KAZN: variants seen among roughly 807,000 people sequenced by gnomAD.
KAZN encodes the protein kazrin.
A neutral mutation model predicts 87.4 loss-of-function variants in KAZN; 40 were observed. The ratio of observed to expected loss-of-function variants is 0.46; its 90% CI spans 0.36 to 0.60. The LOEUF (loss-of-function observed/expected upper bound fraction) is 0.60. KAZN is among the 20% of genes least tolerant of loss of function. KAZN has a pLI of 0.00. For synonymous variants in KAZN, 466 were observed against 458.3 expected (o/e 1.02, Z -0.22); for missense variants, 898 against 1,073.9 (o/e 0.84, Z 2.29).
intron 1 of KAZN, among the ~76,000 whole-genome samples, chr1:13,909,071 C>T (rs536366988): frequency 6.6e-6 from 1 of 152,236 alleles, no homozygotes; most frequent in Non-Finnish European, 1.5e-5. Flanking sequence ...GCTTTCTTAT[C>T]CCTACAAGAG....
chr1:14,355,535 T>C (rs1188324505), intron 2 of KAZN, among the ~76,000 whole-genome samples: 1 of 152,098 alleles, frequency 6.6e-6, no homozygotes, highest in Non-Finnish European at 1.5e-5. Context: ...CATCAACCCG[T>C]CATTGATCTA....
chr1:14,724,622 A>G (rs1334866015), intron 1 of KAZN, among the ~76,000 whole-genome samples: 1 of 152,128 alleles, frequency 6.6e-6, no homozygotes, highest in Non-Finnish European at 1.5e-5. Flanking sequence ...CCACCAATTT[A>G]TTGCCTGAGC....
chr1:14,257,313 GGTT>G (rs1650598146), intron 2 of KAZN, among the ~76,000 whole-genome samples: 2 of 146,710 alleles, frequency 1.4e-5, no homozygotes, highest in South Asian at 4.5e-4. Context: ...TTTTTGATGG[GGTT>G]GTTTGTTTTT....
intron 1 of KAZN, among the ~76,000 whole-genome samples, chr1:13,935,002 C>T (rs558976868): frequency 2.0e-5 from 3 of 151,816 alleles, no homozygotes; most frequent in Admixed American, 1.3e-4. Flanking sequence ...CTTGAGAGGT[C>T]GAGGCAGGTG....
Position 14,842,621 on chromosome 1 carries a change from A to G in KAZN, c.227-118063A>G, listed in dbSNP as rs1648153842. On this transcript the variant is annotated intron_variant, in intron 1 of 14. Coordinates refer to ENST00000376030, the MANE Select transcript of KAZN (RefSeq NM_201628.3). The stretch of plus-strand genomic sequence containing the variant: ...TGACATCTGTTTACATTACATTGCC[A>G]TTACTCATTTCCATGTACAATGTTT... Among the ~76,000 whole-genome samples, 3 of 152,362 alleles carry G rather than the reference A, an allele frequency of 2.0e-5. No homozygotes were observed. The South Asian group carries it at 6.2e-4, about 32-fold the overall frequency.
At chr1:15,097,304 G>T (rs1640846227) in intron 10 of KAZN, among the ~76,000 whole-genome samples, 1 of 152,126 alleles carries the variant, frequency 6.6e-6, no homozygotes, top group Admixed American at 6.5e-5. Flanking sequence ...ATGGACTCGG[G>T]GGTAAGAACT....
chr1:14,827,822 A>G (rs1646941063), intron 1 of KAZN, among the ~76,000 whole-genome samples: 1 of 152,242 alleles, frequency 6.6e-6, no homozygotes, highest in Admixed American at 6.5e-5. Context: ...TCTCCACTCA[A>G]GGATCCCCTG....
intron 2 of KAZN, among the ~76,000 whole-genome samples, chr1:14,407,717 G>C (rs553366380): frequency 1.5e-3 from 231 of 151,290 alleles, no homozygotes; most frequent in African/African-American, 5.2e-3. Flanking sequence ...CATATAGTAA[G>C]TTCTTAACAA....
chr1:13,913,816 A>T (rs1308141706), intron 1 of KAZN, among the ~76,000 whole-genome samples: 1 of 152,232 alleles, frequency 6.6e-6, no homozygotes, highest in Non-Finnish European at 1.5e-5. Flanking sequence ...AATTCTGATT[A>T]CTGGGTCTCA....
chr1:14,759,158 A>C lies in KAZN; in HGVS notation c.226+159935A>C, dbSNP rs542486595. Reference sequence around the variant, plus strand: ...AAATAAAAATCCGTGGGGGAGGGGCACACACAGGGCAGCCACGGCAGGAGC... The same window carrying C: ...AAATAAAAATCCGTGGGGGAGGGGCCCACACAGGGCAGCCACGGCAGGAGC... On this transcript the variant is annotated intron_variant, in intron 1 of 14. Coordinates refer to ENST00000376030, the MANE Select transcript of KAZN (RefSeq NM_201628.3). Among the ~76,000 whole-genome samples, 26 of 152,306 alleles carry C rather than the reference A, an allele frequency of 1.7e-4. No individual in the cohort carries two copies. In the South Asian group the frequency reaches 4.4e-3, roughly 26 times the overall value.
At chr1:15,032,927 T>C (rs1287245747) in intron 2 of KAZN, among the ~76,000 whole-genome samples, 1 of 151,216 alleles carries the variant, frequency 6.6e-6, no homozygotes, top group Non-Finnish European at 1.5e-5. Context: ...CCAGCCTGGG[T>C]GACAGAGCAA....
chr1:14,203,861 G>A lies in KAZN; in HGVS notation c.249+23269G>A, dbSNP rs190334891. 1.8e-4 allele frequency among the ~76,000 whole-genome samples: 27 copies of A among 152,296 alleles called. No individual in the cohort carries two copies. The East Asian group carries it at 5.2e-3, about 29-fold the overall frequency. On this transcript the variant is annotated intron_variant, in intron 2 of 16. Coordinates refer to the KAZN transcript ENST00000636203. ...AGTGTCCCAAATGTTCATAGCAACAGGAGCAAACGTGGTTGCAGCTGCCAT... is the reference window on the plus strand; with the variant it reads ...AGTGTCCCAAATGTTCATAGCAACAAGAGCAAACGTGGTTGCAGCTGCCAT...
chr1:14,798,221 G>A (rs977112995), intron 1 of KAZN, among the ~76,000 whole-genome samples: 6 of 151,986 alleles, frequency 3.9e-5, no homozygotes, highest in South Asian at 2.1e-4. Flanking sequence ...GTAAAACCAC[G>A]GTGCTATCTT....
intron 2 of KAZN, among the ~76,000 whole-genome samples, chr1:14,587,186 A>G (rs1675903133): frequency 1.3e-5 from 2 of 152,194 alleles, no homozygotes; most frequent in Non-Finnish European, 2.9e-5. Flanking sequence ...CTGTAATCCC[A>G]GCACTTTGGA....
chr1:14,943,554 G>A (rs1661391252), intron 1 of KAZN, among the ~76,000 whole-genome samples: 1 of 152,218 alleles, frequency 6.6e-6, no homozygotes, highest in South Asian at 2.1e-4. Context: ...AATGTATGTA[G>A]TACTTGCCGT....
At chr1:14,899,725 C>T (rs1233066211) in intron 1 of KAZN, among the ~76,000 whole-genome samples, 3 of 152,288 alleles carry the variant, frequency 2.0e-5, no homozygotes, top group South Asian at 2.1e-4. Flanking sequence ...GTCCACCACT[C>T]CTCTCTCCTT....
At chr1:14,257,931 C>A (rs1650652423) in intron 2 of KAZN, among the ~76,000 whole-genome samples, 3 of 63,820 alleles carry the variant, frequency 4.7e-5, no homozygotes, top group African/African-American at 6.9e-5. Flanking sequence ...TACCCTAAAA[C>A]TTAGAGTATA....
chr1:14,195,452 TG>T (rs1646506857), intron 2 of KAZN, among the ~76,000 whole-genome samples: 1 of 151,044 alleles, frequency 6.6e-6, no homozygotes, highest in South Asian at 2.1e-4. Context: ...TTGTCCAGAG[TG>T]GGCCACCTAA....
intron 1 of KAZN, among the ~76,000 whole-genome samples, chr1:14,900,550 G>A (rs561180084): frequency 1.6e-4 from 25 of 152,174 alleles, no homozygotes; most frequent in Admixed American, 2.6e-4. Context: ...TCAGGAGATC[G>A]AGACCATTCT....
Sources: allele counts gnomAD v4.1 joint callset (sites outside exome capture counted in the v4.1 genomes callset), GRCh38; gene constraint gnomAD v4.1.1; transcripts MANE v1.5; gene names NCBI Gene and HGNC (gene_info 2026-07-23, HGNC 2026-07-21).